The following EML1 variants were observed in gnomAD, a reference collection of about 807,000 sequenced individuals.
EML1 encodes echinoderm microtubule-associated protein-like 1.
A neutral mutation model predicts 110.4 loss-of-function variants in EML1; 27 were observed. The observed-to-expected ratio is 0.24, with a 90% CI of 0.18 to 0.34. EML1 has a LOEUF of 0.34. EML1 is among the 10% of genes least tolerant of loss of function. The pLI is 1.00. For missense variants in EML1, 741 were observed against 1,030.9 expected (o/e 0.72, Z 3.85); for synonymous variants, 344 against 385.8 (o/e 0.89, Z 1.27).
chr14:99,745,878 G>A (rs2057101807), intron 1 of EML1, among the ~76,000 whole-genome samples: 1 of 152,212 alleles, frequency 6.6e-6, no homozygotes, highest in Admixed American at 6.5e-5. Flanking sequence ...TGTGCATGGT[G>A]TACTGCCAGG....
chr14:99,788,001 A>C (rs903626408), intron 1 of EML1, among the ~76,000 whole-genome samples: 1 of 152,296 alleles, frequency 6.6e-6, no homozygotes, highest in African/African-American at 2.4e-5. Flanking sequence ...CATTAACTGA[A>C]GGTCAACTTT....
At chr14:99,751,151 G>A (rs2057170383) in intron 1 of EML1, among the ~76,000 whole-genome samples, 1 of 152,098 alleles carries the variant, frequency 6.6e-6, no homozygotes, top group Non-Finnish European at 1.5e-5. Flanking sequence ...TGGGTCCTGG[G>A]GTACAGAGGA....
At chr14:99,839,215 G>A (rs2058595092) in intron 1 of EML1, 1 of 151,998 alleles carries the variant, frequency 6.6e-6, no homozygotes, top group African/African-American at 2.4e-5. Context: ...GTTGTGTTCT[G>A]TACTCACCTG....
rs1289793823 is a variant in EML1, at chr14:99,855,522, A to AT, written c.250+4492dup. ...AGCTGATTTTCATTTTAGTGCAGGG[A>AT]TTTTTAAAATGTAAAATGTAGATGA... On this transcript the variant is annotated intron_variant, in intron 2 of 21. Transcript: ENST00000262233. 1.2e-4 allele frequency among the ~76,000 whole-genome samples: 19 copies of AT among 152,276 alleles called. No individual in the cohort carries two copies. The South Asian group carries it at 3.5e-3, about 28-fold the overall frequency.
intron 1 of EML1, among the ~76,000 whole-genome samples, chr14:99,816,035 T>C (rs1279082854): frequency 6.6e-6 from 1 of 152,254 alleles, no homozygotes; most frequent in Non-Finnish European, 1.5e-5. Flanking sequence ...GTCACTGGCT[T>C]TCATCAATGG....
Position 99,940,053 on chromosome 14 carries a change from A to G in EML1, c.2389A>G (p.Ser797Gly). ...CAATGTCGATTTCCTCTGTGAAGACAGCCACCTCATCTCCACGGGCGGGAA... is the reference window on the plus strand; with the variant it reads ...CAATGTCGATTTCCTCTGTGAAGACGGCCACCTCATCTCCACGGGCGGGAA... ...VTNVDFLCEDSHLISTGGKDT... is the reference protein window; with the variant it reads ...VTNVDFLCEDGHLISTGGKDT... The change falls in exon 22 of 22, where the codon AGC becomes GGC. Residue 797 changes from serine to glycine, a missense_variant. Physicochemically the swap from Ser to Gly is moderately conservative, Grantham distance 56 (BLOSUM62 0). Coordinates refer to ENST00000262233, the MANE Select transcript of EML1 (RefSeq NM_004434.3). The G allele has an allele frequency of 6.2e-7, 1 of 1,605,198 alleles. No homozygotes were observed.
intron 12 of EML1, among the ~76,000 whole-genome samples, chr14:99,911,122 G>A (rs1158078806): frequency 6.6e-6 from 1 of 152,118 alleles, no homozygotes; most frequent in African/African-American, 2.4e-5. Context: ...TAAGCAATTT[G>A]TCCAGAGAAA....
intron 3 of EML1, among the ~76,000 whole-genome samples, chr14:99,872,921 G>T (rs148228853): frequency 4.6e-5 from 7 of 152,260 alleles, no homozygotes; most frequent in African/African-American, 1.7e-4. Flanking sequence ...TTTTCAGCCT[G>T]GTGCTTAAGA....
At chr14:99,881,414 C>T (rs2059381982) in intron 4 of EML1, among the ~76,000 whole-genome samples, 1 of 152,180 alleles carries the variant, frequency 6.6e-6, no homozygotes, top group African/African-American at 2.4e-5. Context: ...AAAACAGTTC[C>T]ATCTCAGCAC....
At chr14:99,815,870 T>G (rs1449901570) in intron 1 of EML1, among the ~76,000 whole-genome samples, 1 of 152,172 alleles carries the variant, frequency 6.6e-6, no homozygotes, top group Non-Finnish European at 1.5e-5. Flanking sequence ...TGTGTCATGC[T>G]CAGAGGTAAA....
intron 1 of EML1, among the ~76,000 whole-genome samples, chr14:99,835,973 C>A (rs2058533493): frequency 6.6e-6 from 1 of 152,160 alleles, no homozygotes; most frequent in African/African-American, 2.4e-5. Flanking sequence ...TGTCAGTTCT[C>A]CAGCTTTTTA....
At chr14:99,858,325 C>T (rs1445893678) in intron 2 of EML1, among the ~76,000 whole-genome samples, 1 of 152,104 alleles carries the variant, frequency 6.6e-6, no homozygotes, top group Non-Finnish European at 1.5e-5. Flanking sequence ...GCTGGGATTA[C>T]AGGCATGCAC....
intron 1 of EML1, among the ~76,000 whole-genome samples, chr14:99,844,380 G>A (rs952083811): frequency 2.0e-5 from 3 of 151,914 alleles, no homozygotes; most frequent in African/African-American, 7.3e-5. Context: ...TGGGGAGGCT[G>A]AGGCAAGAGA....
intron 1 of EML1, among the ~76,000 whole-genome samples, chr14:99,756,254 T>C (rs937898563): frequency 1.3e-5 from 2 of 152,188 alleles, no homozygotes; most frequent in African/African-American, 2.4e-5. Flanking sequence ...TGCCAGTCCC[T>C]TCCGACTTAA....
At chr14:99,811,640 CAAAAAAAAA>C (rs71113224) in intron 1 of EML1, among the ~76,000 whole-genome samples, 2 of 120,026 alleles carry the variant, frequency 1.7e-5, no homozygotes, top group African/African-American at 6.4e-5. Context: ...CTGTCTCTAC[CAAAAAAAAA>C]AAAAAAAAAA....
upstream of EML1, among the ~76,000 whole-genome samples, chr14:99,769,452 C>T (rs926627924): frequency 1.6e-4 from 24 of 152,188 alleles, no homozygotes; most frequent in African/African-American, 5.8e-4. Context: ...CCCTGAGTAA[C>T]CTTGGCCTCC....
At chr14:99,773,910 G>T (rs374720503) in exon 1 of EML1, 1 of 152,294 alleles carries the variant, frequency 6.6e-6, no homozygotes, top group African/African-American at 2.4e-5. Flanking sequence ...CGCTCTGCTC[G>T]TAAAGCCGGC....
In EML1 at chr14:99,750,814, C is replaced by T. The variant is rs2057166857; in HGVS notation, c.28+12954C>T. Among the ~76,000 whole-genome samples, 3 of 152,022 alleles carry T rather than the reference C, an allele frequency of 2.0e-5. No homozygotes were observed. In the South Asian group the frequency reaches 6.2e-4, roughly 32 times the overall value. On this transcript the variant is annotated intron_variant, in intron 1 of 10. Transcript: ENST00000554479. ...TCCACCACCCCGAGTCTAACCCGAT[C>T]GCCCCTCAGTTCAGGGCTTCGACCT...
intron 17 of EML1, among the ~76,000 whole-genome samples, chr14:99,931,842 C>T (rs556550297): frequency 2.1e-4 from 32 of 152,280 alleles, no homozygotes; most frequent in Admixed American, 4.6e-4. Context: ...TTTTCTGCCT[C>T]GAAGGCCACA....
Sources: gnomAD v4.1 joint callset for allele counts (sites outside exome capture counted in the v4.1 genomes callset) on GRCh38, gnomAD v4.1.1 for gene constraint, MANE v1.5 for transcripts, NCBI Gene and HGNC (gene_info 2026-07-23, HGNC 2026-07-21) for gene names.